The following CHD2 variants were observed in gnomAD, a reference collection of about 807,000 sequenced individuals.
The protein encoded by CHD2 is ATP-dependent chromatin remodeler CHD2.
A neutral mutation model predicts 243.9 loss-of-function variants in CHD2; 28 were observed. The ratio of observed to expected loss-of-function variants is 0.11; its 90% CI spans 0.09 to 0.16. The LOEUF is 0.16. CHD2 is among the 10% of genes least tolerant of loss of function. The pLI, the probability that CHD2 is intolerant of heterozygous loss-of-function variation, is 1.00. For missense variants in CHD2, 1,386 were observed against 2,209.8 expected (o/e 0.63, Z 7.47); for synonymous variants, 775 against 779.0 (o/e 0.99, Z 0.09).
At chr15:93,014,978 T>C in intron 37 of CHD2, 69 bp downstream of exon 37, 1 of 1,278,574 alleles carries the variant, frequency 7.8e-7, no homozygotes, top group Non-Finnish European at 1.1e-6. Context: ...CGTTTCATTT[T>C]CCAAAGACAC....
At position 92,924,162 on chromosome 15, in the gene CHD2, G is replaced by A. The variant is rs564938079; in HGVS notation, c.63-159G>A. The A allele has an allele frequency of 8.5e-6, 5 of 586,972 alleles. No individual in the cohort carries two copies. The South Asian group carries it at 1.0e-4, about 12-fold the overall frequency. The allele number at this position is 586,972 out of a possible 1,614,324, so 36.4% of individuals were successfully genotyped here. A position where few individuals can be genotyped will look rare whatever the true frequency, so the allele number is the denominator to read the frequency against. On this transcript the variant is annotated intron_variant, in intron 2 of 38. Transcript: ENST00000394196. ...GGATTTTGAGAATGGTAGCAATAAC[G>A]TTATTTGGAATGTAAAAGTATAAAT...
At chr15:93,010,577 T>G (rs1394488033) in intron 35 of CHD2, among the ~76,000 whole-genome samples, 5 of 152,024 alleles carry the variant, frequency 3.3e-5, no homozygotes, top group African/African-American at 1.2e-4. Context: ...GTGCCTGCCA[T>G]CACGCCTGGC....
At position 92,997,488 on chromosome 15, in the gene CHD2, G is replaced by T; in HGVS notation, c.3885+85G>T. 1 of 1,244,716 alleles carries T rather than the reference G, an allele frequency of 8.0e-7. No individual in the cohort carries two copies. 77.1% of individuals were successfully genotyped at this position (1,244,716 alleles called of 1,614,324 possible). ...CGATTACTTATTTCTAACTATTTTC[G>T]AGGGGGCATCAAATTAGAAATTAGT... On this transcript the variant is annotated intron_variant, in intron 30 of 38. Coordinates refer to ENST00000394196, the MANE Select transcript of CHD2 (RefSeq NM_001271.4). The surrounding 1 kb of genome is among the most constrained non-coding windows in gnomAD (Gnocchi z 4.1).
chr15:92,948,335 T>C (rs1483039796), intron 12 of CHD2, among the ~76,000 whole-genome samples: 2 of 152,136 alleles, frequency 1.3e-5, no homozygotes, highest in Non-Finnish European at 2.9e-5. Flanking sequence ...AACAGAAAGA[T>C]AGTTGTTTCT....
chr15:92,954,330 G>C (rs2053591414), intron 14 of CHD2: 1 of 152,232 alleles, frequency 6.6e-6, no homozygotes. Flanking sequence ...CTCAGATTCG[G>C]ACACAGGTGT....
intron 13 of CHD2, among the ~76,000 whole-genome samples, chr15:92,950,733 A>C (rs1327237213): frequency 6.6e-6 from 1 of 150,480 alleles, no homozygotes; most frequent in East Asian, 1.9e-4. Context: ...AGCCTGGGTG[A>C]CAAAGTGAAA....
chr15:92,949,606 A>G (rs977707496), intron 13 of CHD2, among the ~76,000 whole-genome samples: 1 of 152,092 alleles, frequency 6.6e-6, no homozygotes, highest in African/African-American at 2.4e-5. Flanking sequence ...TTATAAGACC[A>G]CGTTAATCTT....
At chr15:92,996,670 T>G (rs550978776) in intron 28 of CHD2, among the ~76,000 whole-genome samples, 1 of 152,284 alleles carries the variant, frequency 6.6e-6, no homozygotes, top group Non-Finnish European at 1.5e-5. Flanking sequence ...GAATCTACTT[T>G]TGTTCATTTG....
In CHD2 at chr15:92,900,942, A is replaced by G. The variant is rs115400993; in HGVS notation, c.-72+118A>G. The G allele has an allele frequency of 8.1e-4, 355 of 440,340 alleles. 3 individuals carry two copies. The highest frequency in any genetic ancestry group is 6.7e-3 in the African/African-American group (321 of 47,914). 27.3% of individuals were successfully genotyped at this position (440,340 alleles called of 1,614,324 possible). On this transcript the variant is annotated intron_variant, in intron 1 of 38. Coordinates refer to ENST00000394196, the MANE Select transcript of CHD2 (RefSeq NM_001271.4). ...ATAAGATACAGAGATTGTTATTTGT[A>G]TCTAGTGTGCTACTTTGAGAAAGTT...
intron 16 of CHD2, 61 bp from the exon 17 acceptor site, chr15:92,967,264 T>A (rs1415781338): frequency 3.2e-6 from 4 of 1,244,802 alleles, no homozygotes; most frequent in South Asian, 3.1e-5. Context: ...TTTTACAGTT[T>A]TTTTTCCTAT....
At chr15:92,967,682 C>T (rs1462102325) in intron 17 of CHD2, among the ~76,000 whole-genome samples, 169 bp downstream of exon 17, 5 of 151,324 alleles carry the variant, frequency 3.3e-5, no homozygotes, top group East Asian at 3.9e-4. Context: ...TGCGCCACCA[C>T]GCCCAGCTAA....
rs2053968498 is a variant in CHD2, at chr15:92,980,705, G to A, written c.2877-110G>A. On this transcript the variant is annotated intron_variant, in intron 22 of 38. Coordinates refer to ENST00000394196, the MANE Select transcript of CHD2 (RefSeq NM_001271.4). ...GAGAAATCATTTTTCTTGAGGCAGAGTTTATATTTTCAGCAGTTAACTTGA... is the reference window on the plus strand; with the variant it reads ...GAGAAATCATTTTTCTTGAGGCAGAATTTATATTTTCAGCAGTTAACTTGA... The A allele has an allele frequency of 4.9e-5, 35 of 718,326 alleles. No homozygotes were observed. The South Asian group carries it at 6.4e-4, about 13-fold the overall frequency. The allele number at this position is 718,326 out of a possible 1,614,324, so 44.5% of individuals were successfully genotyped here. A position where few individuals can be genotyped will look rare whatever the true frequency, so the allele number is the denominator to read the frequency against.
intron 2 of CHD2, among the ~76,000 whole-genome samples, chr15:92,906,427 G>C (rs1302017464): frequency 1.3e-5 from 2 of 152,172 alleles, no homozygotes; most frequent in Non-Finnish European, 2.9e-5. Flanking sequence ...TGCTTGAGGA[G>C]TGAATCTGGA....
Position 92,924,507 on chromosome 15 carries a change from A to G in CHD2, c.249A>G (p.Lys83=), listed in dbSNP as rs990673547. The change falls in exon 3 of 39, where the codon AAA becomes AAG. Residue 83 remains lysine, a synonymous_variant. Coordinates refer to ENST00000394196, the MANE Select transcript of CHD2 (RefSeq NM_001271.4). The stretch of plus-strand genomic sequence containing the variant: ...CCCAGCCAGTCCTCCCAGAAGCCAA[A>G]GAGAAGCCAGCCTCTAAGAAGGAAC... ...SKSQPVLPEA[K]EKPASKKERI... is the part of the protein sequence containing the mutation. 3.4e-5 allele frequency: 55 copies of G among 1,614,096 alleles called. No homozygotes were observed. The highest frequency in any genetic ancestry group is 4.3e-5 in the Non-Finnish European group (51 of 1,180,040).
intron 2 of CHD2, chr15:92,902,509 T>A (rs548198186): frequency 4.3e-4 from 99 of 228,906 alleles, no homozygotes; most frequent in African/African-American, 2.1e-3. Context: ...GTTTTGAACA[T>A]GATGTGTTAC....
intron 28 of CHD2, among the ~76,000 whole-genome samples, chr15:92,994,678 T>A (rs1467247674): frequency 6.6e-6 from 1 of 152,234 alleles, no homozygotes; most frequent in African/African-American, 2.4e-5. Context: ...CGTATTCCTG[T>A]TACTTCTTGA....
intron 33 of CHD2, among the ~76,000 whole-genome samples, chr15:93,003,408 C>A (rs1166963634): frequency 6.6e-6 from 1 of 151,610 alleles, no homozygotes; most frequent in Non-Finnish European, 1.5e-5. Flanking sequence ...GTTAATAGAC[C>A]ATACTGTGAT....
At chr15:92,920,127 T>C (rs1347138359) in intron 2 of CHD2, among the ~76,000 whole-genome samples, 2 of 151,600 alleles carry the variant, frequency 1.3e-5, no homozygotes, top group Non-Finnish European at 1.5e-5. Context: ...CACATAGATA[T>C]ATGCTGACAG....
Position 92,998,673 on chromosome 15 carries a change from G to T in CHD2, c.4008+52G>T. The T allele has an allele frequency of 6.3e-7, 1 of 1,592,500 alleles. No homozygotes were observed. The highest frequency in any genetic ancestry group is 8.6e-7 in the Non-Finnish European group (1 of 1,166,658). The stretch of plus-strand genomic sequence containing the variant: ...TTCAGGGGCCTGAGGCTCCTACCCT[G>T]CAGAATTAGGTAGGAAGAGAGAGGC... On this transcript the variant is annotated intron_variant, in intron 31 of 38. Transcript: ENST00000394196. This position sits in a 1 kb window ranked among gnomAD's most constrained non-coding sequence, Gnocchi z 5.1.
Sources: gnomAD v4.1 joint callset for allele counts (sites outside exome capture counted in the v4.1 genomes callset) on GRCh38, gnomAD v4.1.1 for gene constraint, Gnocchi (gnomAD v3.1) non-coding constraint, MANE v1.5 for transcripts, NCBI Gene and HGNC (gene_info 2026-07-23, HGNC 2026-07-21) for gene names.